COL15A1: variants seen among roughly 807,000 people sequenced by gnomAD.
The protein encoded by COL15A1 is collagen alpha-1(XV) chain.
A neutral mutation model predicts 165.9 loss-of-function variants in COL15A1; 111 were observed. The observed-to-expected ratio is 0.67, with a 90% CI of 0.57 to 0.78. The LOEUF (loss-of-function observed/expected upper bound fraction) is 0.78. Among genes scored for constraint, COL15A1 ranks in the 30% least tolerant of loss-of-function variants. COL15A1 has a pLI of 0.00. For missense variants in COL15A1, 1,745 were observed against 1,789.7 expected (o/e 0.98, Z 0.45); for synonymous variants, 659 against 674.8 (o/e 0.98, Z 0.36).
intron 22 of COL15A1, among the ~76,000 whole-genome samples, chr9:99,039,463 C>T (rs186990053): frequency 4.6e-4 from 70 of 152,314 alleles, no homozygotes; most frequent in Non-Finnish European, 5.4e-4. Context: ...GAGCCAAGAT[C>T]GCACTACTGC....
At chr9:99,061,560 C>T (rs1825816742) in intron 36 of COL15A1, among the ~76,000 whole-genome samples, 1 of 152,188 alleles carries the variant, frequency 6.6e-6, no homozygotes, top group Non-Finnish European at 1.5e-5. Context: ...TGAAACTCTT[C>T]AAGGACCAGC....
chr9:98,993,152 A>T (rs1838476945), intron 5 of COL15A1, among the ~76,000 whole-genome samples: 1 of 152,188 alleles, frequency 6.6e-6, no homozygotes, highest in Non-Finnish European at 1.5e-5. Context: ...CCTTGGTTAC[A>T]ATAGAGTGGA....
intron 2 of COL15A1, among the ~76,000 whole-genome samples, chr9:98,962,716 T>A (rs991496897): frequency 6.6e-6 from 1 of 152,138 alleles, no homozygotes; most frequent in Non-Finnish European, 1.5e-5. Context: ...GTGGGGGATA[T>A]TTAGAATTAT....
At position 99,016,050 on chromosome 9, in the gene COL15A1, C is replaced by T. The variant is rs767334362; in HGVS notation, c.1578C>T (p.Ser526=). 3.2e-5 allele frequency: 51 copies of T among 1,613,814 alleles called. No homozygotes were observed. The East Asian group carries it at 7.4e-4, about 23-fold the overall frequency. The change falls in exon 11 of 42, where the codon TCC becomes TCT. Residue 526 remains serine (S), a synonymous_variant. Coordinates refer to ENST00000375001, the MANE Select transcript of COL15A1 (RefSeq NM_001855.5). ...TCATCACAGCTGGGGGTGAAGAGTCCGGCAGCCCTCCCCCTGATGGGCCAC... is the reference window on the plus strand; with the variant it reads ...TCATCACAGCTGGGGGTGAAGAGTCTGGCAGCCCTCCCCCTGATGGGCCAC... ...EPLITAGGEE[S]GSPPPDGPPL... is the part of the protein sequence containing the mutation.
At chr9:98,966,862 C>T (rs754722594) in intron 2 of COL15A1, among the ~76,000 whole-genome samples, 1 of 152,146 alleles carries the variant, frequency 6.6e-6, no homozygotes, top group South Asian at 2.1e-4. Flanking sequence ...CTAAATGGTG[C>T]TGGTGGGATT....
chr9:98,994,846 A>G (rs1457118208), intron 5 of COL15A1, among the ~76,000 whole-genome samples: 1 of 152,158 alleles, frequency 6.6e-6, no homozygotes, highest in Non-Finnish European at 1.5e-5. Context: ...TATTTGAGGC[A>G]GGTCCCCTTA....
At chr9:99,069,232 G>A (rs764754165) in intron 41 of COL15A1, among the ~76,000 whole-genome samples, 1 of 148,824 alleles carries the variant, frequency 6.7e-6, no homozygotes, top group Non-Finnish European at 1.5e-5. Context: ...CACACTAACT[G>A]TGACTCTAGA....
intron 2 of COL15A1, among the ~76,000 whole-genome samples, chr9:98,949,093 A>G (rs1837636000): frequency 6.6e-6 from 1 of 152,204 alleles, no homozygotes; most frequent in Admixed American, 6.5e-5. Context: ...CTAAGTGTGT[A>G]TCCCAAAATT....
In COL15A1 at chr9:98,970,117, T is replaced by C. The variant is rs78188213; in HGVS notation, c.101-15448T>C. On this transcript the variant is annotated intron_variant, in intron 2 of 41. Transcript: ENST00000375001. The stretch of plus-strand genomic sequence containing the variant: ...GGGTTGAGAACCACCGCTATGCAAG[T>C]AAAGCACTTCGTGCCCAGGACATAG... Among the ~76,000 whole-genome samples the C allele has an allele frequency of 9.4e-3, 1,426 of 151,210 alleles. 11 individuals carry two copies. Among genetic ancestry groups the C allele is most frequent in the Middle Eastern group, 0.028 (8 of 284 alleles).
At chr9:99,023,472 C>T (rs1266913421) in intron 14 of COL15A1, 23 bp downstream of exon 14, 4 of 1,085,406 alleles carry the variant, frequency 3.7e-6, no homozygotes, top group South Asian at 1.3e-5. Context: ...GAGGACACGA[C>T]CTGGTGTCTG....
At chr9:99,012,977 G>A (rs901874044) in intron 9 of COL15A1, among the ~76,000 whole-genome samples, 5 of 151,936 alleles carry the variant, frequency 3.3e-5, no homozygotes, top group Admixed American at 6.6e-5. Flanking sequence ...TGAGACTACA[G>A]GCATGAACCA....
chr9:98,958,667 G>T (rs1480021873), intron 2 of COL15A1, among the ~76,000 whole-genome samples: 2 of 152,038 alleles, frequency 1.3e-5, no homozygotes, highest in African/African-American at 4.8e-5. Context: ...GGAATGAAGT[G>T]GCTTTATTTG....
At chr9:99,013,204 A>G (rs943878635) in intron 9 of COL15A1, among the ~76,000 whole-genome samples, 1 of 152,010 alleles carries the variant, frequency 6.6e-6, no homozygotes, top group Non-Finnish European at 1.5e-5. Flanking sequence ...CAGGGTGACC[A>G]GCTCCTATAT....
At chr9:98,965,654 C>T (rs1456062498) in intron 2 of COL15A1, among the ~76,000 whole-genome samples, 1 of 152,252 alleles carries the variant, frequency 6.6e-6, no homozygotes, top group Non-Finnish European at 1.5e-5. Context: ...TTTGCTCATG[C>T]TCTGCTCACT....
Position 99,047,980 on chromosome 9 carries a change from G to A in COL15A1, c.2773G>A (p.Asp925Asn), listed in dbSNP as rs747098921. 22 of 1,592,440 alleles carry A rather than the reference G, an allele frequency of 1.4e-5. 1 individual carries two copies. The South Asian group carries it at 2.4e-4, about 18-fold the overall frequency. The change falls in exon 28 of 42, where the codon GAT becomes AAT. Residue 925 changes from aspartate to asparagine, a missense_variant. Coordinates refer to ENST00000375001, the MANE Select transcript of COL15A1 (RefSeq NM_001855.5). ...GAATGGCCTCAAGGGTACCAAAGGA[G>A]ATCCAGGGGTCATTATGCAGGTGAG... ...GLNGLKGTKGDPGVIMQGPPG... is the reference protein window; with the variant it reads ...GLNGLKGTKGNPGVIMQGPPG...
At chr9:98,973,806 A>C (rs1192973814) in intron 2 of COL15A1, among the ~76,000 whole-genome samples, 1 of 152,252 alleles carries the variant, frequency 6.6e-6, no homozygotes, top group East Asian at 1.9e-4. Context: ...GTGGACTGAA[A>C]GAACCGGCAG....
At chr9:99,051,963 A>T (rs560621007) in intron 30 of COL15A1, among the ~76,000 whole-genome samples, 2 of 152,360 alleles carry the variant, frequency 1.3e-5, no homozygotes, top group South Asian at 4.1e-4. Flanking sequence ...GCAATAGCTA[A>T]GCTAATGGCT....
At chr9:98,998,171 T>C (rs1761342009) in intron 6 of COL15A1, among the ~76,000 whole-genome samples, 1 of 152,242 alleles carries the variant, frequency 6.6e-6, no homozygotes, top group Non-Finnish European at 1.5e-5. Flanking sequence ...TTAGACGTAA[T>C]ATTCATCAAA....
intron 21 of COL15A1, 111 bp from the exon 22 acceptor site, chr9:99,038,557 T>G: frequency 1.4e-6 from 1 of 701,022 alleles, no homozygotes; most frequent in South Asian, 1.8e-5. Context: ...GCGTTCTCAG[T>G]GTCTGCGGTG....
Sources: gnomAD v4.1 joint callset for allele counts (sites outside exome capture counted in the v4.1 genomes callset) on GRCh38, gnomAD v4.1.1 for gene constraint, MANE v1.5 for transcripts, NCBI Gene and HGNC (gene_info 2026-07-23, HGNC 2026-07-21) for gene names.